Variants in PCCB observed in about 807,000 individuals in gnomAD.
PCCB encodes propionyl-CoA carboxylase beta chain, mitochondrial.
In PCCB, 43 loss-of-function variants were observed where a neutral mutation model predicts 60.7. The ratio of observed to expected loss-of-function variants is 0.71; its 90% confidence interval spans 0.55 to 0.91. The LOEUF is 0.91. Ranked by LOEUF, PCCB falls within the 40% of genes least tolerant of loss-of-function variation. PCCB has a pLI of 0.00. For missense variants in PCCB, 766 were observed against 702.8 expected (o/e 1.09, Z -1.02); for synonymous variants, 276 against 255.9 (o/e 1.08, Z -0.75).
At chr3:136,260,665 A>T in intron 4 of PCCB, 130 bp downstream of exon 4, 1 of 770,848 alleles carries the variant, frequency 1.3e-6, no homozygotes, top group Non-Finnish European at 2.2e-6. Flanking sequence ...ATGTGCTACC[A>T]ACCCGAAGGG....
intron 1 of PCCB, among the ~76,000 whole-genome samples, chr3:136,252,795 G>T (rs1941553170): frequency 6.6e-6 from 1 of 151,042 alleles, no homozygotes; most frequent in South Asian, 2.1e-4. Context: ...GAGCCGCAGT[G>T]CCTGGTCAGT....
At chr3:136,300,327 C>T (rs1057310051) in intron 8 of PCCB, among the ~76,000 whole-genome samples, 3 of 152,180 alleles carry the variant, frequency 2.0e-5, no homozygotes, top group Admixed American at 2.0e-4. Flanking sequence ...GAGTACGTCT[C>T]AGGGTCACTG....
chr3:136,300,075 T>A (rs1231760781), intron 8 of PCCB, among the ~76,000 whole-genome samples: 1 of 146,502 alleles, frequency 6.8e-6, no homozygotes, highest in Non-Finnish European at 1.5e-5. Flanking sequence ...AACACATATA[T>A]GCATATACGC....
chr3:136,329,153 C>G (rs763912741), intron 14 of PCCB, among the ~76,000 whole-genome samples: 1 of 152,206 alleles, frequency 6.6e-6, no homozygotes, highest in African/African-American at 2.4e-5. Context: ...AACTAACCAC[C>G]GTTTCCCCCA....
intron 5 of PCCB, among the ~76,000 whole-genome samples, chr3:136,265,746 C>G (rs1941965821): frequency 6.6e-6 from 1 of 151,938 alleles, no homozygotes; most frequent in Non-Finnish European, 1.5e-5. Context: ...AACAACTAAA[C>G]CATTTACATT....
At position 136,261,972 on chromosome 3, in the gene PCCB, G is replaced by A. The variant is rs749989578; in HGVS notation, c.450G>A (p.Thr150=). The part of the protein sequence containing the change: ...KICKIMDQAI[T]VGAPVIGLND... ...CTCAGATCATGGACCAGGCCATAAC[G>A]GTGGGGGCTCCAGTGATTGGGCTGA... is the stretch of plus-strand genomic sequence containing the variant. The change falls in exon 5 of 15, where the codon ACG becomes ACA. Residue 150 remains threonine, a synonymous_variant. Coordinates refer to ENST00000251654, the MANE Select transcript of PCCB (RefSeq NM_000532.5). 1.1e-5 allele frequency: 17 copies of A among 1,559,282 alleles called. No individual in the cohort carries two copies. Among genetic ancestry groups the A allele is most frequent in the East Asian group, 2.4e-5 (1 of 42,294 alleles).
At chr3:136,264,381 A>G (rs1210106335) in intron 5 of PCCB, among the ~76,000 whole-genome samples, 1 of 148,870 alleles carries the variant, frequency 6.7e-6, no homozygotes, top group East Asian at 1.9e-4. Flanking sequence ...GCATGTGTGC[A>G]CTTTCTATGT....
At chr3:136,268,087 G>GAGAT (rs1553775716) in intron 5 of PCCB, among the ~76,000 whole-genome samples, 12 of 93,796 alleles carry the variant, frequency 1.3e-4, no homozygotes, top group African/African-American at 4.6e-4. Flanking sequence ...TGTGTGTGTA[G>GAGAT]ATATATATAT....
chr3:136,262,828 A>G (rs777433797), intron 5 of PCCB, among the ~76,000 whole-genome samples: 6 of 152,158 alleles, frequency 3.9e-5, no homozygotes, highest in Non-Finnish European at 8.8e-5. Context: ...TTAGGCCTGG[A>G]AGTCATTCCT....
intron 5 of PCCB, among the ~76,000 whole-genome samples, chr3:136,264,867 T>C (rs1576409860): frequency 1.0e-5 from 1 of 96,970 alleles, no homozygotes; most frequent in African/African-American, 3.7e-5. Flanking sequence ...AGAGCAAGAC[T>C]CCGTCTCAAA....
At chr3:136,269,421 G>A (rs1942127527) in intron 5 of PCCB, among the ~76,000 whole-genome samples, 1 of 151,982 alleles carries the variant, frequency 6.6e-6, no homozygotes, top group Admixed American at 6.6e-5. Flanking sequence ...TTGAATAGGG[G>A]GTGTGTGTGT....
intron 7 of PCCB, among the ~76,000 whole-genome samples, chr3:136,295,702 A>G (rs560806843): frequency 1.3e-5 from 2 of 152,268 alleles, no homozygotes; most frequent in Non-Finnish European, 2.9e-5. Context: ...AAAAACTGCT[A>G]GATATTCCAT....
intron 6 of PCCB, among the ~76,000 whole-genome samples, chr3:136,289,876 G>A (rs1347869126): frequency 6.7e-6 from 1 of 149,324 alleles, no homozygotes; most frequent in Non-Finnish European, 1.5e-5. Context: ...ACACTTTTCT[G>A]CTTCCCAGGT....
intron 11 of PCCB, 31 bp downstream of exon 11, chr3:136,326,941 AGTT>A: frequency 7.0e-7 from 1 of 1,436,782 alleles, no homozygotes; most frequent in Middle Eastern, 1.8e-4. Context: ...GGGCTAGGAG[AGTT>A]GCCTTTCCCA....
chr3:136,325,133 G>A (rs1038867280), intron 10 of PCCB, among the ~76,000 whole-genome samples: 23 of 151,930 alleles, frequency 1.5e-4, no homozygotes, highest in Non-Finnish European at 3.2e-4. Context: ...CAGGTGATCC[G>A]CCCACCTTGG....
At chr3:136,265,087 G>A (rs993349113) in intron 5 of PCCB, among the ~76,000 whole-genome samples, 1 of 152,048 alleles carries the variant, frequency 6.6e-6, no homozygotes, top group African/African-American at 2.4e-5. Flanking sequence ...CCAGCTACTC[G>A]GGAGGCTGAG....
At chr3:136,282,968 G>C (rs1428050783) in intron 5 of PCCB, among the ~76,000 whole-genome samples, 1 of 152,164 alleles carries the variant, frequency 6.6e-6, no homozygotes, top group Non-Finnish European at 1.5e-5. Flanking sequence ...CTGTCCAGTT[G>C]TTTTTGGGGA....
At chr3:136,278,305 T>C (rs956378526) in intron 5 of PCCB, among the ~76,000 whole-genome samples, 5 of 152,170 alleles carry the variant, frequency 3.3e-5, no homozygotes, top group African/African-American at 1.2e-4. Context: ...AGTTTTTCCC[T>C]TGTCTTATGG....
Position 136,299,360 on chromosome 3 carries a change from G to A in PCCB, c.884+1288G>A, listed in dbSNP as rs1327150403. The stretch of plus-strand genomic sequence containing the variant: ...TACACACATACACATGCATACATAT[G>A]CATGCATAGGTATATATGCATATGT... On this transcript the variant is annotated intron_variant, in intron 8 of 14. Transcript: ENST00000251654. Among the ~76,000 whole-genome samples, 7 of 151,856 alleles carry A rather than the reference G, an allele frequency of 4.6e-5. No homozygotes were observed. In the South Asian group the frequency reaches 1.4e-3, roughly 31 times the overall value.
Sources: allele counts gnomAD v4.1 joint callset (sites outside exome capture counted in the v4.1 genomes callset), GRCh38; gene constraint gnomAD v4.1.1; transcripts MANE v1.5; gene names NCBI Gene and HGNC (gene_info 2026-07-23, HGNC 2026-07-21).